The following TNFRSF11A variants were observed in gnomAD, a reference collection of about 807,000 sequenced individuals.
TNFRSF11A encodes the protein tumor necrosis factor receptor superfamily member 11A.
In TNFRSF11A, 32 loss-of-function variants were observed where a neutral mutation model predicts 55.7. That is an observed-to-expected ratio of 0.57 (90% CI 0.43 to 0.77). The LOEUF (loss-of-function observed/expected upper bound fraction) is 0.77, where lower values mean the gene tolerates loss of function less well. Ranked by LOEUF, TNFRSF11A falls within the 30% of genes least tolerant of loss-of-function variation. The pLI, the probability that TNFRSF11A is intolerant of heterozygous loss-of-function variation, is 0.00. For synonymous variants in TNFRSF11A, 311 were observed against 331.0 expected (o/e 0.94, Z 0.65); for missense variants, 753 against 809.8 (o/e 0.93, Z 0.85).
At chr18:62,328,079 C>T (rs1301455517) in intron 1 of TNFRSF11A, among the ~76,000 whole-genome samples, 1 of 152,218 alleles carries the variant, frequency 6.6e-6, no homozygotes, top group East Asian at 1.9e-4. Flanking sequence ...TGGTGTCAAA[C>T]ACTGTGCTAA....
chr18:62,372,129 G>A (rs1208917125), intron 9 of TNFRSF11A, among the ~76,000 whole-genome samples: 2 of 152,152 alleles, frequency 1.3e-5, no homozygotes, highest in African/African-American at 4.8e-5. Flanking sequence ...ATGATACCCA[G>A]TGCTGTTAAG....
intron 9 of TNFRSF11A, among the ~76,000 whole-genome samples, chr18:62,382,567 G>A (rs982708381): frequency 3.3e-5 from 5 of 151,564 alleles, no homozygotes; most frequent in Non-Finnish European, 7.4e-5. Context: ...CTTCTCTGTG[G>A]CCCTGGGAAC....
chr18:62,344,679 C>A (rs2046356666), intron 1 of TNFRSF11A, among the ~76,000 whole-genome samples: 1 of 152,224 alleles, frequency 6.6e-6, no homozygotes, highest in Admixed American at 6.5e-5. Context: ...GCCTAGAGGG[C>A]TACTGCCAAG....
chr18:62,362,734 T>C (rs1909787510), intron 7 of TNFRSF11A, among the ~76,000 whole-genome samples: 1 of 77,720 alleles, frequency 1.3e-5, no homozygotes, highest in Admixed American at 1.6e-4. Context: ...TAAGAATATC[T>C]CTTAAATCTT....
intron 1 of TNFRSF11A, among the ~76,000 whole-genome samples, chr18:62,345,647 G>C (rs1450851145): frequency 6.6e-6 from 1 of 152,112 alleles, no homozygotes; most frequent in Non-Finnish European, 1.5e-5. Context: ...CGCGATGGTT[G>C]TTCAACCTTG....
At chr18:62,328,492 A>C (rs571028909) in intron 1 of TNFRSF11A, among the ~76,000 whole-genome samples, 99 of 152,168 alleles carry the variant, frequency 6.5e-4, no homozygotes, top group Middle Eastern at 3.4e-3. Context: ...GGAAACCCCC[A>C]CCAAACAAAT....
intron 3 of TNFRSF11A, among the ~76,000 whole-genome samples, chr18:62,350,708 A>G (rs1265552856): frequency 6.6e-6 from 1 of 152,154 alleles, no homozygotes; most frequent in Admixed American, 6.5e-5. Flanking sequence ...TTCCTAAACT[A>G]TAAATATTTT....
intron 4 of TNFRSF11A, among the ~76,000 whole-genome samples, chr18:62,355,579 G>A (rs1358123419): frequency 6.6e-6 from 1 of 152,130 alleles, no homozygotes; most frequent in African/African-American, 2.4e-5. Context: ...ACCACACCTA[G>A]TCAAAATCTT....
chr18:62,365,023 C>T (rs1347372564), intron 7 of TNFRSF11A, among the ~76,000 whole-genome samples: 1 of 152,202 alleles, frequency 6.6e-6, no homozygotes, highest in Non-Finnish European at 1.5e-5. Context: ...GTGGCACAAG[C>T]GTGGCTCACT....
intron 1 of TNFRSF11A, among the ~76,000 whole-genome samples, chr18:62,340,457 A>C (rs948842710): frequency 1.3e-5 from 2 of 151,538 alleles, no homozygotes; most frequent in African/African-American, 2.4e-5. Context: ...TGCCTCCCCA[A>C]ATGCTGGGGT....
Position 62,328,319 on chromosome 18 carries a change from A to G in TNFRSF11A, c.75+2892A>G, listed in dbSNP as rs147423019. 1.2e-3 allele frequency among the ~76,000 whole-genome samples: 177 copies of G among 152,164 alleles called. No individual in the cohort carries two copies. The Middle Eastern group carries it at 0.024, about 20-fold the overall frequency. On this transcript the variant is annotated intron_variant, in intron 1 of 9. Coordinates refer to ENST00000586569, the MANE Select transcript of TNFRSF11A (RefSeq NM_003839.4). Reference sequence around the variant, plus strand: ...GTCTTGGAAAGATGTGTGGGAAACCAGAGGTCAGGGAAGAAATGATTCTAG... The same window carrying G: ...GTCTTGGAAAGATGTGTGGGAAACCGGAGGTCAGGGAAGAAATGATTCTAG...
intron 1 of TNFRSF11A, among the ~76,000 whole-genome samples, chr18:62,345,608 G>A (rs189686050): frequency 3.7e-4 from 57 of 152,278 alleles, no homozygotes; most frequent in African/African-American, 1.3e-3. Context: ...CAGTTTTGGG[G>A]TGATGAAAAT....
In TNFRSF11A at chr18:62,386,374, C is replaced by A. The variant is rs1395623360; in HGVS notation, c.*1340C>A. 1 of 152,142 alleles carries A rather than the reference C, an allele frequency of 6.6e-6. No individual in the cohort carries two copies. The highest frequency in any genetic ancestry group is 1.5e-5 in the Non-Finnish European group (1 of 68,020). 9.4% of individuals were successfully genotyped at this position (152,142 alleles called of 1,614,324 possible). ...TAGCCTTGTAGAAGTGGAAAACATT[C>A]CATTTTCCAATGCATTTAAATGTAA... On this transcript the variant is annotated 3_prime_UTR_variant, in exon 10 of 10. Transcript: ENST00000586569.
chr18:62,382,830 T>C (rs1052216680), intron 9 of TNFRSF11A, among the ~76,000 whole-genome samples: 2 of 152,206 alleles, frequency 1.3e-5, no homozygotes, highest in Non-Finnish European at 2.9e-5. Flanking sequence ...TAACTTTTAT[T>C]TGGGTCCTTG....
At chr18:62,356,546 G>C (rs1339090760) in intron 4 of TNFRSF11A, among the ~76,000 whole-genome samples, 2 of 152,176 alleles carry the variant, frequency 1.3e-5, no homozygotes, top group African/African-American at 4.8e-5. Flanking sequence ...AATAGGTTGA[G>C]GATAGAGGGG....
rs772715494 is a variant in TNFRSF11A, at chr18:62,384,733, CCCTT to C, written c.1568-14_1568-11del. 4.3e-6 allele frequency: 7 copies of C among 1,609,598 alleles called. No individual in the cohort carries two copies. The highest frequency in any genetic ancestry group is 5.9e-6 in the Non-Finnish European group (7 of 1,177,958). On this transcript the variant is annotated splice_polypyrimidine_tract_variant and intron_variant, in intron 9 of 9. Transcript: ENST00000586569. The stretch of plus-strand genomic sequence containing the variant: ...CGCTGACTCACCCTCCCCGTGTTCT[CCCTT>C]CCTCTCCCCGCAGGAAATGTGACTG...
chr18:62,348,115 T>G, intron 1 of TNFRSF11A, 53 bp from the exon 2 acceptor site: 1 of 1,438,104 alleles, frequency 7.0e-7, no homozygotes, highest in South Asian at 1.1e-5. Flanking sequence ...TTACCTAGTT[T>G]TATCCAGAAA....
rs1345881848 is a variant in TNFRSF11A at position 62,390,474 on chromosome 18, C to G, written c.*5440C>G. On this transcript the variant is annotated 3_prime_UTR_variant, in exon 10 of 10. Coordinates refer to ENST00000586569, the MANE Select transcript of TNFRSF11A (RefSeq NM_003839.4). ...GCCTCTCCCCGTTTGGGAAGAATAACACATTGACCACCGGCTCAGAGGAGG... is the reference window on the plus strand; with the variant it reads ...GCCTCTCCCCGTTTGGGAAGAATAAGACATTGACCACCGGCTCAGAGGAGG... 3.3e-5 allele frequency: 5 copies of G among 152,146 alleles called. No homozygotes were observed. Among genetic ancestry groups the G allele is most frequent in the African/African-American group, 9.7e-5 (4 of 41,424 alleles). 9.4% of individuals were successfully genotyped at this position (152,146 alleles called of 1,614,324 possible).
chr18:62,343,577 G>A (rs1349735135), intron 1 of TNFRSF11A, among the ~76,000 whole-genome samples: 1 of 151,882 alleles, frequency 6.6e-6, no homozygotes, highest in Non-Finnish European at 1.5e-5. Flanking sequence ...CTTTATAAAG[G>A]GATTTTTTAA....
Sources: gnomAD v4.1 joint callset for allele counts (sites outside exome capture counted in the v4.1 genomes callset) on GRCh38, gnomAD v4.1.1 for gene constraint, MANE v1.5 for transcripts, NCBI Gene and HGNC (gene_info 2026-07-23, HGNC 2026-07-21) for gene names.